Variants in BLTP3A observed in about 807,000 individuals in gnomAD.
The protein encoded by BLTP3A is ICBP90 binding protein 1.
the BLTP3A span, among the ~76,000 whole-genome samples, chr6:34,836,778 G>C: frequency 6.6e-6 from 1 of 152,164 alleles, no homozygotes; most frequent in Admixed American, 6.5e-5. Flanking sequence ...ATTTGGGTCA[G>C]TTTAAATATT....
At chr6:34,869,084 C>G in the BLTP3A span, among the ~76,000 whole-genome samples, 1,717 of 151,978 alleles carry the variant, frequency 0.011, 12 homozygotes, top group Non-Finnish European at 0.016. Flanking sequence ...CGACGTGCTG[C>G]AACCTTCACC....
chr6:34,795,498 A>G, the BLTP3A span, among the ~76,000 whole-genome samples: 73 of 151,368 alleles, frequency 4.8e-4, 1 homozygote, highest in Admixed American at 7.2e-4. Flanking sequence ...CCTGGGTTCA[A>G]GCGATTCTCC....
At chr6:34,830,427 A>C in the BLTP3A span, among the ~76,000 whole-genome samples, 14 of 152,118 alleles carry the variant, frequency 9.2e-5, no homozygotes, top group South Asian at 2.9e-3. Context: ...TCTCTACTAA[A>C]AAAAATAAAA....
At chr6:34,836,287 C>T in the BLTP3A span, 1 of 1,614,218 alleles carries the variant, frequency 6.2e-7, no homozygotes, top group Non-Finnish European at 8.5e-7. Flanking sequence ...AGTCCTCCTA[C>T]CATCTGCTCA....
At chr6:34,797,331 G>A in the BLTP3A span, among the ~76,000 whole-genome samples, 1 of 152,174 alleles carries the variant, frequency 6.6e-6, no homozygotes, top group Non-Finnish European at 1.5e-5. Flanking sequence ...AAATTCAGAG[G>A]CATAGAAGAG....
the BLTP3A span, among the ~76,000 whole-genome samples, chr6:34,827,686 C>T: frequency 3.3e-5 from 5 of 152,258 alleles, 2 homozygotes; most frequent in East Asian, 1.9e-4. Flanking sequence ...GGCTGGAGTG[C>T]GGTGGCACCA....
chr6:34,798,594 C>CTTTCTTTTTTTTTTTTTTTTTT, the BLTP3A span, among the ~76,000 whole-genome samples: 11 of 94,494 alleles, frequency 1.2e-4, no homozygotes, highest in Non-Finnish European at 1.6e-4. Flanking sequence ...TTCTTTCTTT[C>CTTTCTTTTTTTTTTTTTTTTTT]TTTTTTTTTT....
the BLTP3A span, among the ~76,000 whole-genome samples, chr6:34,808,346 C>CAAAAAAAAAAAAAAAAAAAAA: frequency 3.7e-5 from 1 of 26,718 alleles, no homozygotes; most frequent in African/African-American, 1.5e-4. Flanking sequence ...AACTCCGTCT[C>CAAAAAAAAAAAAAAAAAAAAA]AAAAAAAAAA....
At chr6:34,856,249 C>G in the BLTP3A span, 1 of 1,613,180 alleles carries the variant, frequency 6.2e-7, no homozygotes. Context: ...GTGATAGCTG[C>G]AAACATTGGG....
At chr6:34,852,028 C>T in the BLTP3A span, among the ~76,000 whole-genome samples, 1 of 152,168 alleles carries the variant, frequency 6.6e-6, no homozygotes, top group African/African-American at 2.4e-5. Flanking sequence ...CAGTGGGCCC[C>T]TCTCTGGCCC....
chr6:34,862,267 T>G, the BLTP3A span, among the ~76,000 whole-genome samples: 2 of 151,860 alleles, frequency 1.3e-5, no homozygotes, highest in African/African-American at 4.8e-5. Flanking sequence ...GTCCAGCTAC[T>G]CGGGAGGCTG....
the BLTP3A span, chr6:34,834,660 T>C: frequency 3.2e-6 from 5 of 1,582,812 alleles, no homozygotes; most frequent in Non-Finnish European, 4.3e-6. Context: ...TTCCTTGGAC[T>C]TCTTGCTTCT....
chr6:34,862,387 AT>A, the BLTP3A span, among the ~76,000 whole-genome samples: 9 of 151,826 alleles, frequency 5.9e-5, no homozygotes, highest in South Asian at 2.1e-4. Flanking sequence ...AAAAAAAAAA[AT>A]AATAATAAAA....
chr6:34,801,700 AT>A, the BLTP3A span, among the ~76,000 whole-genome samples: 1 of 149,864 alleles, frequency 6.7e-6, no homozygotes, highest in African/African-American at 2.5e-5. Context: ...GCACAGCTTT[AT>A]TTTATTTATT....
chr6:34,813,066 T>C, the BLTP3A span, among the ~76,000 whole-genome samples: 1 of 152,180 alleles, frequency 6.6e-6, no homozygotes, highest in Non-Finnish European at 1.5e-5. Context: ...AAGCAAAGTG[T>C]ATTTGTGGAC....
At chr6:34,856,157 T>C in the BLTP3A span, 1 of 1,496,796 alleles carries the variant, frequency 6.7e-7, no homozygotes, top group South Asian at 1.3e-5. Flanking sequence ...GATTCTGAAC[T>C]ATGACTATAC....
At chr6:34,868,451 G>T in the BLTP3A span, among the ~76,000 whole-genome samples, 3 of 151,558 alleles carry the variant, frequency 2.0e-5, no homozygotes, top group African/African-American at 7.3e-5. Flanking sequence ...GGCTGGGTGT[G>T]GTGGCTCATG....
At chr6:34,832,228 C>G in the BLTP3A span, among the ~76,000 whole-genome samples, 1 of 151,776 alleles carries the variant, frequency 6.6e-6, no homozygotes, top group South Asian at 2.1e-4. Context: ...TCAGGTGATC[C>G]TCCCGCCTCA....
At chr6:34,859,106 A>C in the BLTP3A span, 1 of 1,614,192 alleles carries the variant, frequency 6.2e-7, no homozygotes, top group Non-Finnish European at 8.5e-7. Flanking sequence ...CGGGAACTGA[A>C]GTCTGATGCC....
Sources: gnomAD v4.1 joint callset for allele counts (sites outside exome capture counted in the v4.1 genomes callset) on GRCh38, gnomAD v4.1.1 for gene constraint, MANE v1.5 for transcripts, NCBI Gene and HGNC (gene_info 2026-07-23, HGNC 2026-07-21) for gene names.